Variants in JAG2 observed in about 807,000 individuals in gnomAD.
The protein encoded by JAG2 is protein jagged-2.
JAG2 carries 46 observed loss-of-function variants against 141.7 expected under a neutral mutation model. The ratio of observed to expected loss-of-function variants is 0.32; its 90% CI spans 0.26 to 0.42. The LOEUF is 0.42. Ranked by LOEUF, JAG2 falls within the 10% of genes least tolerant of loss-of-function variation. JAG2 has a pLI of 1.00. For synonymous variants in JAG2, 862 were observed against 763.5 expected (o/e 1.13, Z -2.13); for missense variants, 1,500 against 1,817.5 (o/e 0.83, Z 3.18).
rs148752744 is a variant in JAG2, at chr14:105,163,725, G to A, written c.417+4032C>T. On this transcript the variant is annotated intron_variant, in intron 2 of 25. Transcript: ENST00000331782. ...GGGACCCTGCTTAGGCCTCAGGTCT[G>A]CAGACAGGGACCCTGCTCAGTCCTG... Among the ~76,000 whole-genome samples the A allele has an allele frequency of 2.8e-4, 43 of 151,788 alleles. 3 individuals carry two copies. In the East Asian group the frequency reaches 8.4e-3, roughly 30 times the overall value.
At chr14:105,143,742 A>C in intron 24 of JAG2, 104 bp from the exon 25 acceptor site, 1 of 1,407,138 alleles carries the variant, frequency 7.1e-7, no homozygotes, top group Non-Finnish European at 9.8e-7. Context: ...AGGTGGGCGC[A>C]CGGGAGACGA....
chr14:105,151,529 G>C, intron 8 of JAG2, 97 bp downstream of exon 8: 1 of 1,332,236 alleles, frequency 7.5e-7, no homozygotes, highest in Non-Finnish European at 1.1e-6. Context: ...CCACACGTGT[G>C]GACTTGACCA....
intron 2 of JAG2, among the ~76,000 whole-genome samples, chr14:105,163,856 G>A (rs1307686746): frequency 6.6e-6 from 1 of 151,922 alleles, no homozygotes; most frequent in Non-Finnish European, 1.5e-5. Context: ...AGGGTCTGGG[G>A]ACAGGGACCC....
At chr14:105,156,923 C>T (rs987586208) in intron 3 of JAG2, among the ~76,000 whole-genome samples, 3 of 152,114 alleles carry the variant, frequency 2.0e-5, no homozygotes, top group African/African-American at 7.2e-5. Flanking sequence ...CCCCCACCGC[C>T]GTCCCTGCCC....
In JAG2 at chr14:105,148,809, G is replaced by T. The variant is rs775456413; in HGVS notation, c.1956C>A (p.Ile652=). ...GQPCRNGGTC[I]DEVDAFRCFC... is the part of the protein sequence containing the mutation. ...AGCAGCGGAAGGCGTCCACCTCATCGATGCATGTGCCCCCATTGCGGCAGG... is the reference window on the plus strand; with the variant it reads ...AGCAGCGGAAGGCGTCCACCTCATCTATGCATGTGCCCCCATTGCGGCAGG... Residue 652 remains isoleucine, a synonymous_variant, in exon 15 of 26, where the codon ATC becomes ATA. Coordinates refer to ENST00000331782, the MANE Select transcript of JAG2 (RefSeq NM_002226.5). 1.9e-6 allele frequency: 3 copies of T among 1,598,760 alleles called. No individual in the cohort carries two copies. In the African/African-American group the frequency reaches 4.0e-5, roughly 21 times the overall value.
In JAG2 at chr14:105,151,264, A is replaced by C; in HGVS notation, c.1267+19T>G. 6.2e-7 allele frequency: 1 copy of C among 1,604,024 alleles called. No homozygotes were observed. Among genetic ancestry groups the C allele is most frequent in the Non-Finnish European group, 8.5e-7 (1 of 1,173,518 alleles). ...GCATGCGCGGCCCACGTTCCCATGC[A>C]CTCGCTCGGAGCCCTTACCCAGCTG... On this transcript the variant is annotated intron_variant, in intron 9 of 25. Transcript: ENST00000331782.
At chr14:105,143,237 C>T (rs2140968323) in intron 25 of JAG2, 67 bp from the exon 26 acceptor site, 1 of 1,527,378 alleles carries the variant, frequency 6.5e-7, no homozygotes, top group Non-Finnish European at 8.8e-7. Flanking sequence ...TAGCCACACA[C>T]CCAGGCCTGG....
At chr14:105,147,709 G>A (rs940654944) in intron 18 of JAG2, 63 bp downstream of exon 18, 82 of 1,254,750 alleles carry the variant, frequency 6.5e-5, no homozygotes, top group African/African-American at 7.5e-5. Context: ...GGGGCGAGTC[G>A]GGGGCAGGGA....
intron 24 of JAG2, among the ~76,000 whole-genome samples, chr14:105,144,276 C>CA (rs1469325332): frequency 6.6e-6 from 1 of 152,084 alleles, no homozygotes; most frequent in Admixed American, 6.5e-5. Flanking sequence ...TGATGGCGCC[C>CA]TGACCTGTGC....
chr14:105,146,172 G>A (rs2140971992), intron 22 of JAG2, among the ~76,000 whole-genome samples, 199 bp from the exon 23 acceptor site: 1 of 152,296 alleles, frequency 6.6e-6, no homozygotes, highest in South Asian at 2.1e-4. Flanking sequence ...GAAAGGGCAG[G>A]CGGAGCAAGG....
At chr14:105,160,928 C>T (rs1415377530) in intron 2 of JAG2, among the ~76,000 whole-genome samples, 1 of 151,578 alleles carries the variant, frequency 6.6e-6, no homozygotes, top group Non-Finnish European at 1.5e-5. Context: ...GGCTGCAGGG[C>T]ATGAGGAAGT....
At chr14:105,152,818 A>G (rs1461406991) in intron 5 of JAG2, among the ~76,000 whole-genome samples, 1 of 152,048 alleles carries the variant, frequency 6.6e-6, no homozygotes, top group Non-Finnish European at 1.5e-5. Flanking sequence ...AGATGGGGCT[A>G]CTGAGGCCCA....
At chr14:105,165,439 C>T (rs61996160) in intron 2 of JAG2, among the ~76,000 whole-genome samples, 2 of 152,134 alleles carry the variant, frequency 1.3e-5, no homozygotes, top group African/African-American at 4.8e-5. Context: ...CTCCTGGGGA[C>T]GTCTGGGGGT....
At chr14:105,161,538 C>T (rs1233236991) in intron 2 of JAG2, among the ~76,000 whole-genome samples, 1 of 152,242 alleles carries the variant, frequency 6.6e-6, no homozygotes, top group South Asian at 2.1e-4. Context: ...CCCGCAGGGA[C>T]GTGTGCCTGC....
intron 1 of JAG2, 104 bp from the exon 2 acceptor site, chr14:105,168,211 C>T: frequency 3.0e-6 from 3 of 998,424 alleles, no homozygotes; most frequent in South Asian, 4.8e-5. Context: ...CCCCACCCAG[C>T]CGCGCCCGCC....
rs866237262 is a variant in JAG2, at chr14:105,154,212, G to A, written c.788+1350C>T. Among the ~76,000 whole-genome samples, 9 of 152,294 alleles carry A rather than the reference G, an allele frequency of 5.9e-5. No homozygotes were observed. The highest frequency in any genetic ancestry group is 9.6e-5 in the African/African-American group (4 of 41,562). On this transcript the variant is annotated intron_variant, in intron 5 of 25. Coordinates refer to ENST00000331782, the MANE Select transcript of JAG2 (RefSeq NM_002226.5). This position sits in a 1 kb window ranked among gnomAD's most constrained non-coding sequence, Gnocchi z 4.4. ...AAAACGCCACGCTGTGTGACCCTGG[G>A]GAAATCAGTAGGCTCTCTGTGCCCC...
Position 105,147,910 on chromosome 14 carries a change from G to A in JAG2, c.2249-22C>T, listed in dbSNP as rs587754671. On this transcript the variant is annotated intron_variant, in intron 17 of 25. Transcript: ENST00000331782. ...TTGGCTGTAAGGAGAGGAGGAGGAG[G>A]GAGCGTCTCACCTGGCCCTGGGCTG... 113 of 1,523,076 alleles carry A rather than the reference G, an allele frequency of 7.4e-5. No homozygotes were observed. In the South Asian group the frequency reaches 1.1e-3, roughly 15 times the overall value. The allele number at this position is 1,523,076 out of a possible 1,614,324, so 94.3% of individuals were successfully genotyped here.
At position 105,147,813 on chromosome 14, in the gene JAG2, CAGG is replaced by C; in HGVS notation, c.2321_2323del (p.Ser774del). 1 of 1,549,824 alleles carries C rather than the reference CAGG, an allele frequency of 6.5e-7. No individual in the cohort carries two copies. On this transcript the variant is annotated inframe_deletion, in exon 18 of 26. Coordinates refer to ENST00000331782, the MANE Select transcript of JAG2 (RefSeq NM_002226.5). ...ACCCTCCCAGCCGTCCCGGCAGATG[CAGG>C]AGAAGGAGGCCCCGCTGCCCACGCA...
rs1260587983 is a variant in JAG2, at chr14:105,145,813, G to A, written c.2870C>T (p.Thr957Ile). ...GTGGCCGGAGCGTGGCAGGCAGGGG[G>A]TGCTCGGTGGCTCTTCTGCGCCGCA... is the stretch of plus-strand genomic sequence containing the variant. ...GECGAEEPPS[T>I]PCLPRSGHLD... The change falls in exon 23 of 26, where the codon ACC (threonine) becomes ATC (isoleucine). Residue 957 changes from threonine to isoleucine, a missense_variant. Thr to Ile is a moderately conservative substitution (Grantham distance 89). This residue lies in a region of JAG2 where 425 missense variants were observed against 441.0 expected (regional missense o/e 0.96). Coordinates refer to ENST00000331782, the MANE Select transcript of JAG2 (RefSeq NM_002226.5). 1.9e-6 allele frequency: 3 copies of A among 1,567,846 alleles called. No homozygotes were observed. The highest frequency in any genetic ancestry group is 1.2e-5 in the South Asian group (1 of 85,388).
Sources: gnomAD v4.1 joint callset for allele counts (sites outside exome capture counted in the v4.1 genomes callset) on GRCh38, gnomAD v4.1.1 for gene constraint, gnomAD v4.1.1 regional missense constraint, Gnocchi (gnomAD v3.1) non-coding constraint, MANE v1.5 for transcripts, NCBI Gene and HGNC (gene_info 2026-07-23, HGNC 2026-07-21) for gene names.